Variants in SOX6 observed in about 807,000 individuals in gnomAD.
SOX6 encodes transcription factor SOX-6.
A neutral mutation model predicts 97.8 loss-of-function variants in SOX6; 11 were observed. The ratio of observed to expected loss-of-function variants is 0.11; its 90% CI spans 0.07 to 0.19. The LOEUF is 0.19. SOX6 is among the 10% of genes least tolerant of loss of function. SOX6 has a pLI of 1.00. For synonymous variants in SOX6, 360 were observed against 371.4 expected (o/e 0.97, Z 0.35); for missense variants, 810 against 1,039.5 (o/e 0.78, Z 3.04).
At chr11:16,123,063 C>T (rs1849530624) in intron 6 of SOX6, among the ~76,000 whole-genome samples, 1 of 151,926 alleles carries the variant, frequency 6.6e-6, no homozygotes, top group South Asian at 2.1e-4. Flanking sequence ...CTGAGTACTC[C>T]TAGTACATGT....
At chr11:16,427,639 T>G (rs989006468) in intron 1 of SOX6, among the ~76,000 whole-genome samples, 38 of 152,168 alleles carry the variant, frequency 2.5e-4, no homozygotes, top group Admixed American at 2.0e-4. Context: ...TTCATACATG[T>G]CCCTACAAAG....
chr11:16,520,387 C>T (rs983014656), intron 4 of SOX6, among the ~76,000 whole-genome samples: 2 of 152,150 alleles, frequency 1.3e-5, no homozygotes, highest in African/African-American at 2.4e-5. Context: ...TGGTGAGATA[C>T]AGGGGTTGTT....
chr11:16,501,336 A>T (rs1860703037), intron 4 of SOX6, among the ~76,000 whole-genome samples: 1 of 152,228 alleles, frequency 6.6e-6, no homozygotes, highest in South Asian at 2.1e-4. Flanking sequence ...CTTAAATGTT[A>T]GACCTAAAAC....
At chr11:16,348,654 A>T (rs1407810973) in intron 1 of SOX6, among the ~76,000 whole-genome samples, 2 of 152,150 alleles carry the variant, frequency 1.3e-5, no homozygotes, top group African/African-American at 4.8e-5. Context: ...TACAAATTAT[A>T]TCACTGCCAT....
chr11:15,973,801 G>T (rs1212445874), intron 15 of SOX6, among the ~76,000 whole-genome samples: 1 of 152,158 alleles, frequency 6.6e-6, no homozygotes, highest in African/African-American at 2.4e-5. Flanking sequence ...GAGTAGAGTT[G>T]CAGAGTAGAC....
At chr11:16,554,333 C>A (rs1419874228) in intron 4 of SOX6, among the ~76,000 whole-genome samples, 2 of 152,110 alleles carry the variant, frequency 1.3e-5, no homozygotes, top group Non-Finnish European at 2.9e-5. Flanking sequence ...ACAATCACAA[C>A]AGAATGACCT....
intron 4 of SOX6, among the ~76,000 whole-genome samples, chr11:16,552,947 C>T (rs1847706134): frequency 6.6e-6 from 1 of 151,936 alleles, no homozygotes; most frequent in Non-Finnish European, 1.5e-5. Context: ...AACAATCTCT[C>T]ATAGATATGA....
chr11:16,301,141 C>G (rs915045265), intron 3 of SOX6, among the ~76,000 whole-genome samples: 1 of 152,048 alleles, frequency 6.6e-6, no homozygotes, highest in Non-Finnish European at 1.5e-5. Flanking sequence ...ATGTGAGAAA[C>G]AAACTTATAT....
intron 4 of SOX6, among the ~76,000 whole-genome samples, chr11:16,195,094 C>A (rs900879459): frequency 2.0e-5 from 3 of 152,148 alleles, no homozygotes; most frequent in Admixed American, 2.0e-4. Flanking sequence ...GGCTCTTTCT[C>A]TAGAAGCTCC....
At chr11:16,539,666 A>T (rs1413357339) in intron 4 of SOX6, among the ~76,000 whole-genome samples, 1 of 152,212 alleles carries the variant, frequency 6.6e-6, no homozygotes, top group Non-Finnish European at 1.5e-5. Context: ...AGAAATACAA[A>T]CTACCATCAG....
intron 1 of SOX6, among the ~76,000 whole-genome samples, chr11:16,377,224 A>T (rs1857667124): frequency 6.6e-6 from 1 of 152,130 alleles, no homozygotes; most frequent in African/African-American, 2.4e-5. Flanking sequence ...GATTAAGTAG[A>T]TAAATAAAAA....
rs139213541 is a variant in SOX6 at position 16,383,238 on chromosome 11, T to C, written c.-4-41986A>G. On this transcript the variant is annotated intron_variant, in intron 1 of 15. Transcript: ENST00000396356. ...ACTCTTCCACACTTATGTCACTACATTGCTCCATAGATTCCTTATACAGCA... is the reference window on the plus strand; with the variant it reads ...ACTCTTCCACACTTATGTCACTACACTGCTCCATAGATTCCTTATACAGCA... Among the ~76,000 whole-genome samples, 26 of 152,052 alleles carry C rather than the reference T, an allele frequency of 1.7e-4. No homozygotes were observed. The East Asian group carries it at 4.6e-3, about 27-fold the overall frequency.
intron 4 of SOX6, among the ~76,000 whole-genome samples, chr11:16,594,772 G>C (rs1848193405): frequency 8.1e-6 from 1 of 123,022 alleles, no homozygotes; most frequent in Non-Finnish European, 1.6e-5. Context: ...CTCACTGCAA[G>C]CTCCGCCTGC....
intron 3 of SOX6, among the ~76,000 whole-genome samples, chr11:16,243,973 T>G (rs532188826): frequency 6.6e-6 from 1 of 152,128 alleles, no homozygotes; most frequent in Non-Finnish European, 1.5e-5. Flanking sequence ...GAAATAAAAC[T>G]AATATACAAA....
intron 4 of SOX6, among the ~76,000 whole-genome samples, chr11:16,197,281 C>T (rs868015229): frequency 6.6e-6 from 1 of 152,190 alleles, no homozygotes; most frequent in Non-Finnish European, 1.5e-5. Context: ...GTCTGTAGCT[C>T]TCAGGACATC....
At chr11:16,226,729 A>G (rs2351960) in intron 4 of SOX6, among the ~76,000 whole-genome samples, 133,975 of 152,100 alleles carry the variant, frequency 0.88, 59,170 homozygotes, top group East Asian at 1. Flanking sequence ...TCCTTCCACC[A>G]TATTTCTTCA....
chr11:16,391,780 G>C (rs1858191401), intron 1 of SOX6, among the ~76,000 whole-genome samples: 1 of 152,032 alleles, frequency 6.6e-6, no homozygotes, highest in South Asian at 2.1e-4. Context: ...GAAAGGAAGG[G>C]AGAGGACTAA....
At chr11:16,143,385 C>T (rs1447049453) in intron 6 of SOX6, among the ~76,000 whole-genome samples, 1 of 152,136 alleles carries the variant, frequency 6.6e-6, no homozygotes, top group Non-Finnish European at 1.5e-5. Flanking sequence ...TGGTACCAGC[C>T]ACTGCAAAAA....
chr11:16,376,891 G>A (rs937026737), intron 1 of SOX6, among the ~76,000 whole-genome samples: 5 of 151,934 alleles, frequency 3.3e-5, no homozygotes, highest in African/African-American at 1.2e-4. Flanking sequence ...AGGGAAAGGA[G>A]AGAATTGGGG....
Sources: allele counts gnomAD v4.1 joint callset (sites outside exome capture counted in the v4.1 genomes callset), GRCh38; gene constraint gnomAD v4.1.1; transcripts MANE v1.5; gene names NCBI Gene and HGNC (gene_info 2026-07-23, HGNC 2026-07-21).